The following GPR141 variants were observed in gnomAD, a reference collection of about 807,000 sequenced individuals.
GPR141 encodes probable G protein-coupled receptor 141.
A neutral mutation model predicts 6.8 loss-of-function variants in GPR141; 6 were observed. The observed-to-expected ratio is 0.88, with a 90% CI of 0.48 to 1.74. GPR141 has a LOEUF of 1.74. GPR141 is among the 40% of genes most tolerant of loss of function. The pLI is 0.01. For synonymous variants in GPR141, 140 were observed against 142.3 expected (o/e 0.98, Z 0.11); for missense variants, 372 against 372.9 (o/e 1.00, Z 0.02).
chr7:37,694,047 C>T (rs1294308451), intron 2 of GPR141, among the ~76,000 whole-genome samples: 2 of 152,164 alleles, frequency 1.3e-5, no homozygotes, highest in Non-Finnish European at 2.9e-5. Flanking sequence ...ATGACCACTT[C>T]AGACAGTCAA....
intron 2 of GPR141, among the ~76,000 whole-genome samples, chr7:37,698,948 T>G (rs1055891649): frequency 6.6e-6 from 1 of 152,218 alleles, no homozygotes; most frequent in Non-Finnish European, 1.5e-5. Flanking sequence ...AAGTATCTTA[T>G]CTACATAAGG....
chr7:37,687,478 G>A (rs931443322), intron 2 of GPR141, among the ~76,000 whole-genome samples: 1 of 152,088 alleles, frequency 6.6e-6, no homozygotes, highest in African/African-American at 2.4e-5. Context: ...CAATTATACA[G>A]TGAGCCTGTG....
intron 2 of GPR141, among the ~76,000 whole-genome samples, chr7:37,708,890 C>T (rs1810662999): frequency 6.6e-6 from 1 of 152,126 alleles, no homozygotes; most frequent in African/African-American, 2.4e-5. Context: ...AAGCGAACTG[C>T]GTATGTAAAG....
chr7:37,736,274 GA>G (rs1388159729), intron 2 of GPR141, among the ~76,000 whole-genome samples: 1 of 151,800 alleles, frequency 6.6e-6, no homozygotes, highest in African/African-American at 2.4e-5. Context: ...TATGCAAATG[GA>G]AAAAGGGAAG....
chr7:37,707,611 A>G (rs1810582551), intron 2 of GPR141, among the ~76,000 whole-genome samples: 2 of 152,236 alleles, frequency 1.3e-5, no homozygotes, highest in African/African-American at 4.8e-5. Context: ...GGGTAACATT[A>G]TAATCACCCC....
At chr7:37,710,141 A>G (rs990312462) in intron 2 of GPR141, among the ~76,000 whole-genome samples, 3 of 152,198 alleles carry the variant, frequency 2.0e-5, no homozygotes, top group Admixed American at 6.6e-5. Flanking sequence ...CTCACTCTTC[A>G]TAATAGAAAA....
intron 2 of GPR141, among the ~76,000 whole-genome samples, chr7:37,729,647 G>C (rs1298454672): frequency 1.3e-5 from 2 of 152,320 alleles, no homozygotes; most frequent in South Asian, 2.1e-4. Context: ...AAAGCTTTTT[G>C]AGAAAGGAGC....
At chr7:37,720,039 T>G (rs773833158) in intron 2 of GPR141, among the ~76,000 whole-genome samples, 1 of 152,136 alleles carries the variant, frequency 6.6e-6, no homozygotes, top group Non-Finnish European at 1.5e-5. Context: ...CTTGGAGGGT[T>G]ACTGGTCAAA....
At chr7:37,696,298 G>A (rs12538432) in intron 2 of GPR141, among the ~76,000 whole-genome samples, 61,903 of 152,014 alleles carry the variant, frequency 0.41, 13,004 homozygotes, top group Admixed American at 0.48. Flanking sequence ...TTTGGTAGGT[G>A]AGGTATGTTA....
At chr7:37,706,295 A>G (rs903306232) in intron 2 of GPR141, among the ~76,000 whole-genome samples, 3 of 152,250 alleles carry the variant, frequency 2.0e-5, no homozygotes, top group Admixed American at 2.0e-4. Context: ...AGATTGAGAA[A>G]TACTTGGAGA....
At chr7:37,730,940 A>G (rs919721590) in intron 2 of GPR141, among the ~76,000 whole-genome samples, 3 of 152,210 alleles carry the variant, frequency 2.0e-5, no homozygotes, top group Non-Finnish European at 4.4e-5. Flanking sequence ...AATTTCCTTC[A>G]TTCTTTGTGG....
chr7:37,725,708 G>C (rs1030915286), intron 2 of GPR141, among the ~76,000 whole-genome samples: 3 of 152,202 alleles, frequency 2.0e-5, no homozygotes, highest in Non-Finnish European at 4.4e-5. Context: ...TTTTAGTGTA[G>C]TCACAGAGTG....
At chr7:37,733,598 G>C (rs1225880187) in intron 2 of GPR141, among the ~76,000 whole-genome samples, 1 of 151,100 alleles carries the variant, frequency 6.6e-6, no homozygotes, top group Non-Finnish European at 1.5e-5. Context: ...CTTGAAGCCG[G>C]GAGGCGGAGG....
intron 2 of GPR141, among the ~76,000 whole-genome samples, chr7:37,691,921 C>G (rs964746137): frequency 1.3e-5 from 2 of 151,984 alleles, no homozygotes; most frequent in African/African-American, 2.4e-5. Context: ...TGACTTTATA[C>G]TTTTTATTGC....
intron 2 of GPR141, among the ~76,000 whole-genome samples, chr7:37,687,647 A>C (rs1809569964): frequency 6.6e-6 from 1 of 152,090 alleles, no homozygotes; most frequent in African/African-American, 2.4e-5. Flanking sequence ...CTTATGATCC[A>C]AGGTCTCACT....
chr7:37,740,448 C>G lies in GPR141; in HGVS notation c.55C>G (p.His19Asp). The part of the protein sequence containing the change: ...NSSCDPIVTP[H>D]LISLYFIVLI... Reference sequence around the variant, plus strand: ...CTCTTGCGATCCTATAGTGACACCCCACTTAATCAGCCTCTACTTCATAGT... The same window carrying G: ...CTCTTGCGATCCTATAGTGACACCCGACTTAATCAGCCTCTACTTCATAGT... The change falls in exon 3 of 3, where the codon CAC becomes GAC. Residue 19 changes from histidine (H) to aspartate (D), a missense_variant. Coordinates refer to ENST00000334425, the MANE Select transcript of GPR141 (RefSeq NM_001381946.1). 2 of 1,613,716 alleles carry G rather than the reference C, an allele frequency of 1.2e-6. No individual in the cohort carries two copies. The highest frequency in any genetic ancestry group is 1.7e-6 in the Non-Finnish European group (2 of 1,179,762).
At chr7:37,705,061 A>G (rs1810465404) in intron 2 of GPR141, among the ~76,000 whole-genome samples, 1 of 152,204 alleles carries the variant, frequency 6.6e-6, no homozygotes, top group Non-Finnish European at 1.5e-5. Flanking sequence ...ATGAATAAAT[A>G]TATGTATAGT....
chr7:37,702,232 TA>T (rs1810307138), intron 2 of GPR141, among the ~76,000 whole-genome samples: 1 of 152,190 alleles, frequency 6.6e-6, no homozygotes, highest in African/African-American at 2.4e-5. Flanking sequence ...TATATATTGA[TA>T]AAATGTACAT....
chr7:37,731,472 A>T (rs1218927628), intron 2 of GPR141, among the ~76,000 whole-genome samples: 1 of 152,212 alleles, frequency 6.6e-6, no homozygotes, highest in African/African-American at 2.4e-5. Context: ...TATGCAAAGG[A>T]ATACTCTGTC....
Sources: gnomAD v4.1 joint callset for allele counts (sites outside exome capture counted in the v4.1 genomes callset) on GRCh38, gnomAD v4.1.1 for gene constraint, MANE v1.5 for transcripts, NCBI Gene and HGNC (gene_info 2026-07-23, HGNC 2026-07-21) for gene names.